Variants in ANKAR observed in about 807,000 individuals in gnomAD.
ANKAR encodes the protein ankyrin and armadillo repeat containing.
Under a neutral mutation model 146.2 loss-of-function variants are expected in ANKAR, and 136 were observed. That is an observed-to-expected ratio of 0.93 (90% confidence interval 0.81 to 1.07). The LOEUF (loss-of-function observed/expected upper bound fraction) is 1.07, where lower values mean the gene tolerates loss of function less well. Ranked by LOEUF, ANKAR falls within the 50% of genes least tolerant of loss-of-function variation. The pLI is 0.00. For missense variants in ANKAR, 1,567 were observed against 1,679.9 expected (o/e 0.93, Z 1.18); for synonymous variants, 500 against 575.8 (o/e 0.87, Z 1.88).
chr2:189,730,492 C>A lies in ANKAR; in HGVS notation c.3194-3C>A, dbSNP rs754372761. The A allele has an allele frequency of 3.8e-6, 6 of 1,563,622 alleles. No individual in the cohort carries two copies. The Admixed American group carries it at 9.2e-5, about 24-fold the overall frequency. On this transcript the variant is annotated splice_region_variant and splice_polypyrimidine_tract_variant and intron_variant, in intron 15 of 22. Coordinates refer to ENST00000684021, the MANE Select transcript of ANKAR (RefSeq NM_001378068.1). ...ATTACCTCACTGGCGTGGACTCTTA[C>A]AGGTGTAGCCCATACAAGCAATCCT...
At chr2:189,716,012 C>T (rs1268625352) in intron 10 of ANKAR, among the ~76,000 whole-genome samples, 1 of 152,094 alleles carries the variant, frequency 6.6e-6, no homozygotes, top group Non-Finnish European at 1.5e-5. Flanking sequence ...GGAAGCATTC[C>T]CTCTGAAAAC....
chr2:189,707,393 A>G (rs1262982714), intron 9 of ANKAR, among the ~76,000 whole-genome samples: 1 of 145,938 alleles, frequency 6.9e-6, no homozygotes, highest in Non-Finnish European at 1.5e-5. Flanking sequence ...TATTTTACAC[A>G]ATTATATTTA....
chr2:189,750,453 A>T (rs1001483476), downstream of ANKAR: 2,654 of 446,370 alleles, frequency 5.9e-3, 5 homozygotes, highest in South Asian at 0.01. Flanking sequence ...ATCAAATAGA[A>T]AAAAAAAAAT....
intron 18 of ANKAR, among the ~76,000 whole-genome samples, chr2:189,760,070 T>TG (rs1022412826): frequency 3.0e-4 from 45 of 152,318 alleles, no homozygotes; most frequent in African/African-American, 1.0e-3. Context: ...AGCACGGGGT[T>TG]GGGGGTAAGG....
chr2:189,713,015 A>G (rs1266942842), intron 10 of ANKAR, among the ~76,000 whole-genome samples: 1 of 152,300 alleles, frequency 6.6e-6, no homozygotes. Context: ...AGTGGAAGAA[A>G]GGGTATCAGT....
intron 20 of ANKAR, among the ~76,000 whole-genome samples, chr2:189,742,968 ACACACACACACACC>A (rs2043585559): frequency 8.6e-6 from 1 of 116,128 alleles, no homozygotes. Context: ...ACACACACAC[ACACACACACACACC>A]CCTGAAAGGA....
At chr2:189,762,832 C>T (rs150505519), downstream of ANKAR, 604 of 985,464 alleles carry the variant, frequency 6.1e-4, 13 homozygotes, top group Admixed American at 0.027. Flanking sequence ...GAGCTGGCTG[C>T]TGTTCCGCTA....
At chr2:189,704,936 T>C in intron 7 of ANKAR, 87 bp from the exon 8 acceptor site, 1 of 1,262,026 alleles carries the variant, frequency 7.9e-7, no homozygotes, top group Non-Finnish European at 1.1e-6. Flanking sequence ...AATACTAAGC[T>C]CTGTGGCTGG....
At chr2:189,677,204 G>T in intron 2 of ANKAR, 113 bp downstream of exon 2, 1 of 1,066,562 alleles carries the variant, frequency 9.4e-7, no homozygotes, top group East Asian at 2.7e-5. Flanking sequence ...ACCCACCTAG[G>T]CCTCCCAAAG....
chr2:189,732,967 A>G (rs1405452885), intron 16 of ANKAR, 140 bp from the exon 17 acceptor site: 1 of 778,354 alleles, frequency 1.3e-6, no homozygotes, highest in Non-Finnish European at 1.9e-6. Context: ...CGCTAGTAAG[A>G]TAACTGGAAT....
At chr2:189,755,091 G>T in intron 18 of ANKAR, 1 of 1,477,700 alleles carries the variant, frequency 6.8e-7, no homozygotes, top group South Asian at 1.3e-5. Flanking sequence ...ATATTTAGGT[G>T]AATGGTGGTA....
At chr2:189,678,343 C>T (rs1161332066) in intron 2 of ANKAR, among the ~76,000 whole-genome samples, 1 of 151,976 alleles carries the variant, frequency 6.6e-6, no homozygotes, top group East Asian at 1.9e-4. Flanking sequence ...GATATTAGTC[C>T]TTTGTTGGAA....
At chr2:189,685,730 C>T (rs1307002705) in intron 2 of ANKAR, among the ~76,000 whole-genome samples, 1 of 152,148 alleles carries the variant, frequency 6.6e-6, no homozygotes, top group African/African-American at 2.4e-5. Context: ...CAGTATCCTG[C>T]TTGGAGGGAG....
intron 2 of ANKAR, among the ~76,000 whole-genome samples, chr2:189,681,817 T>C (rs1000713176): frequency 7.2e-5 from 11 of 152,234 alleles, no homozygotes; most frequent in African/African-American, 2.7e-4. Flanking sequence ...TGTGGTGTTA[T>C]TGTTGCATAT....
At chr2:189,698,470 C>A (rs1347254905) in intron 7 of ANKAR, among the ~76,000 whole-genome samples, 1 of 151,798 alleles carries the variant, frequency 6.6e-6, no homozygotes, top group South Asian at 2.1e-4. Context: ...AGGAATGAGT[C>A]GTTTTTGACT....
chr2:189,733,525 C>G (rs921254600), intron 17 of ANKAR, among the ~76,000 whole-genome samples: 1 of 152,122 alleles, frequency 6.6e-6, no homozygotes, highest in African/African-American at 2.4e-5. Context: ...GCCCTTTCAG[C>G]CCTCAGTCAT....
At chr2:189,702,749 C>G (rs1426098997) in intron 7 of ANKAR, among the ~76,000 whole-genome samples, 1 of 152,120 alleles carries the variant, frequency 6.6e-6, no homozygotes, top group Admixed American at 6.6e-5. Flanking sequence ...ATATCAAGCT[C>G]CCACTATGAA....
intron 10 of ANKAR, among the ~76,000 whole-genome samples, chr2:189,719,151 A>G (rs573378921): frequency 6.6e-6 from 1 of 152,364 alleles, no homozygotes. Context: ...ACATCCTTGT[A>G]TAAAATAAGG....
At chr2:189,687,014 A>C (rs2035700849) in intron 2 of ANKAR, among the ~76,000 whole-genome samples, 1 of 152,140 alleles carries the variant, frequency 6.6e-6, no homozygotes, top group Non-Finnish European at 1.5e-5. Flanking sequence ...ATGTACAATA[A>C]ATTATTGACT....
Sources: allele counts gnomAD v4.1 joint callset (sites outside exome capture counted in the v4.1 genomes callset), GRCh38; gene constraint gnomAD v4.1.1; transcripts MANE v1.5; gene names NCBI Gene and HGNC (gene_info 2026-07-23, HGNC 2026-07-21).